Variants in TNC observed in about 807,000 individuals in gnomAD.
TNC encodes tenascin.
Under a neutral mutation model 202.4 loss-of-function variants are expected in TNC, and 109 were observed. That is an observed-to-expected ratio of 0.54 (90% CI 0.46 to 0.63). The LOEUF is 0.63. Among genes scored for constraint, TNC ranks in the 30% least tolerant of loss-of-function variants. The pLI, the probability that TNC is intolerant of heterozygous loss-of-function variation, is 0.00. For synonymous variants in TNC, 1,007 were observed against 1,089.7 expected, an observed-to-expected ratio of 0.92 and a Z score of 1.50; for missense variants, 2,756 against 2,833.3, an observed-to-expected ratio of 0.97 and a Z score of 0.62.
At position 115,087,527 on chromosome 9, in the gene TNC, GGTGT is replaced by G. The variant is rs57327715; in HGVS notation, c.458-258_458-255del. ...AAAACAGTGTGTGATTATGCATAGG[GGTGT>G]GTGTGTGTGTGTGTGTGTGTGTGTG... On this transcript the variant is annotated intron_variant, in intron 2 of 27. Transcript: ENST00000350763. Among the ~76,000 whole-genome samples the G allele has an allele frequency of 0.11, 16,806 of 148,552 alleles. 1,249 individuals are homozygous for G. Among genetic ancestry groups the G allele is most frequent in the Non-Finnish European group, 0.17 (11,322 of 67,168 alleles).
At chr9:115,026,791 A>G in intron 25 of TNC, 96 bp from the exon 26 acceptor site, 1 of 1,109,562 alleles carries the variant, frequency 9.0e-7, no homozygotes. Context: ...TACACTTAAG[A>G]CAGGGCCAAC....
At chr9:115,106,439 C>T (rs1836619497) in intron 1 of TNC, among the ~76,000 whole-genome samples, 1 of 152,102 alleles carries the variant, frequency 6.6e-6, no homozygotes, top group South Asian at 2.1e-4. Flanking sequence ...AACACAATAT[C>T]ATTAATATGA....
At chr9:115,055,944 C>T (rs1471328695) in intron 15 of TNC, among the ~76,000 whole-genome samples, 2 of 152,104 alleles carry the variant, frequency 1.3e-5, no homozygotes, top group African/African-American at 4.8e-5. Flanking sequence ...ATTTTCTCCT[C>T]TAAGTTTTTT....
rs540345966 is a variant in TNC, at chr9:115,111,821, T to A, written c.-137+6161A>T. Among the ~76,000 whole-genome samples, 20 of 152,134 alleles carry A rather than the reference T, an allele frequency of 1.3e-4. No homozygotes were observed. The East Asian group carries it at 3.3e-3, about 25-fold the overall frequency. ...AACAGCTTTGAAGGAACTGAGGCCC[T>A]CAGTTCAATATCTCTCAAGAAATGG... On this transcript the variant is annotated intron_variant, in intron 1 of 27. Transcript: ENST00000350763.
At chr9:115,105,660 T>C (rs1836559507) in intron 1 of TNC, among the ~76,000 whole-genome samples, 2 of 152,180 alleles carry the variant, frequency 1.3e-5, no homozygotes, top group African/African-American at 4.8e-5. Flanking sequence ...AATAGAGATA[T>C]GTCTAACCCC....
Position 115,076,780 on chromosome 9 carries a change from G to A in TNC, c.2675-205C>T, listed in dbSNP as rs150263742. Among the ~76,000 whole-genome samples, 466 of 152,316 alleles carry A rather than the reference G, an allele frequency of 3.1e-3. 2 individuals carry two copies. Among genetic ancestry groups the A allele is most frequent in the African/African-American group, 0.011 (446 of 41,572 alleles). ...ACCTTTCCCTATTATGGATGAGTGC[G>A]ACACTTTAGTCATTTGTGTTTTTCT... On this transcript the variant is annotated intron_variant, in intron 7 of 27. Coordinates refer to ENST00000350763, the MANE Select transcript of TNC (RefSeq NM_002160.4).
At chr9:115,050,578 T>G (rs1303052336) in intron 15 of TNC, among the ~76,000 whole-genome samples, 2 of 152,230 alleles carry the variant, frequency 1.3e-5, no homozygotes, top group Non-Finnish European at 2.9e-5. Flanking sequence ...TTTTTTAATC[T>G]TACATTAAAA....
At chr9:115,107,566 A>G (rs1366708476) in intron 1 of TNC, among the ~76,000 whole-genome samples, 2 of 152,156 alleles carry the variant, frequency 1.3e-5, no homozygotes, top group East Asian at 3.8e-4. Flanking sequence ...TGTCATGACA[A>G]CCTGGTGAGT....
rs142174537 is a variant in TNC, at chr9:115,083,082, T to A, written c.2132-275A>T. Among the ~76,000 whole-genome samples the A allele has an allele frequency of 1.1e-3, 172 of 152,320 alleles. 2 individuals are homozygous for A. The highest frequency in any genetic ancestry group is 4.0e-3 in the African/African-American group (165 of 41,568). ...GAATCAGACAGACTTGGGGTTAGAA[T>A]CTAAGCTCTACTATCAATGTGAACT... is the stretch of plus-strand genomic sequence containing the variant. On this transcript the variant is annotated intron_variant, in intron 4 of 27. Transcript: ENST00000350763.
chr9:115,044,042 A>G (rs964714492), intron 17 of TNC, among the ~76,000 whole-genome samples: 5 of 152,138 alleles, frequency 3.3e-5, no homozygotes, highest in Non-Finnish European at 7.4e-5. Flanking sequence ...CTCCAAGGAC[A>G]CTGTCCCATG....
intron 2 of TNC, among the ~76,000 whole-genome samples, chr9:115,090,058 G>A (rs1835101142): frequency 6.6e-6 from 1 of 152,182 alleles, no homozygotes; most frequent in African/African-American, 2.4e-5. Flanking sequence ...ATCACAGGCA[G>A]CACTGTGCAT....
At chr9:115,078,364 T>C (rs1834042845) in intron 6 of TNC, 152 bp from the exon 7 acceptor site, 2 of 831,246 alleles carry the variant, frequency 2.4e-6, no homozygotes, top group Non-Finnish European at 3.5e-6. Context: ...TAGTTTTTGG[T>C]TTGATAAGCT....
At chr9:115,071,744 G>T (rs1833483292) in intron 10 of TNC, among the ~76,000 whole-genome samples, 2 of 152,112 alleles carry the variant, frequency 1.3e-5, no homozygotes, top group South Asian at 4.2e-4. Flanking sequence ...GAAGAGGGAA[G>T]AAAGAGAGAG....
rs772861856 is a variant in TNC, at chr9:115,059,804, G to A, written c.4232C>T (p.Thr1411Met). The change falls in exon 14 of 28, where the codon ACG (threonine) becomes ATG (methionine). Residue 1411 changes from threonine (T) to methionine (M), a missense_variant. Thr to Met is a moderately conservative substitution (Grantham distance 81, BLOSUM62 -1). This residue lies in a region of TNC where 2,559 missense variants were observed against 2,546.0 expected (regional missense o/e 1.01). Coordinates refer to ENST00000350763, the MANE Select transcript of TNC (RefSeq NM_002160.4). ...AVDIPGLEAA[T>M]PYRVSIYGVI... The stretch of plus-strand genomic sequence containing the variant: ...CCCATAGATGGAGACTCTATAAGGC[G>A]TGGCAGCCTCGAGGCCCGGGATGTC... 7 of 1,613,972 alleles carry A rather than the reference G, an allele frequency of 4.3e-6. No homozygotes were observed. In the East Asian group the frequency reaches 6.7e-5, roughly 15 times the overall value.
At position 115,052,089 on chromosome 9, in the gene TNC, TA is replaced by T. The variant is rs1831724258; in HGVS notation, c.4580-3558del. On this transcript the variant is annotated intron_variant, in intron 15 of 27. Coordinates refer to ENST00000350763, the MANE Select transcript of TNC (RefSeq NM_002160.4). ...ATGTGTGTATATATACATATATATA[TA>T]TATACACATATATATATAATGGAAT... is the stretch of plus-strand genomic sequence containing the variant. 2.0e-5 allele frequency among the ~76,000 whole-genome samples: 3 copies of T among 149,958 alleles called. No homozygotes were observed. In the South Asian group the frequency reaches 6.3e-4, roughly 31 times the overall value.
At position 115,064,641 on chromosome 9, in the gene TNC, A is replaced by T. The variant is rs762791234; in HGVS notation, c.3487+6T>A. ...CAGAAGCTATAAATAGAAAGGAAAG[A>T]GATACCTGTGGAGGCCTCAGCAGAG... is the stretch of plus-strand genomic sequence containing the variant. On this transcript the variant is annotated splice_donor_region_variant and intron_variant, in intron 11 of 27. Coordinates refer to ENST00000350763, the MANE Select transcript of TNC (RefSeq NM_002160.4). The T allele has an allele frequency of 1.3e-6, 2 of 1,590,138 alleles. No homozygotes were observed. Among genetic ancestry groups the T allele is most frequent in the East Asian group, 2.3e-5 (1 of 44,420 alleles).
At chr9:115,081,725 G>A (rs766768345) in intron 6 of TNC, 47 bp downstream of exon 6, 4 of 1,606,326 alleles carry the variant, frequency 2.5e-6, no homozygotes, top group Non-Finnish European at 3.4e-6. Flanking sequence ...GGTGCTATGA[G>A]GTACAATCAG....
At position 115,086,887 on chromosome 9, in the gene TNC, G is replaced by T; in HGVS notation, c.844C>A (p.Pro282Thr). 1 of 1,614,172 alleles carries T rather than the reference G, an allele frequency of 6.2e-7. No homozygotes were observed. Among genetic ancestry groups the T allele is most frequent in the Non-Finnish European group, 8.5e-7 (1 of 1,180,046 alleles). ...DGFAGDDCNKPLCLNNCYNRG... is the reference protein window; with the variant it reads ...DGFAGDDCNKTLCLNNCYNRG... ...TTGTAGCAATTGTTGAGACACAGAG[G>T]CTTGTTGCAGTCATCGCCTGCAAAG... is the stretch of plus-strand genomic sequence containing the variant. The change falls in exon 3 of 28, where the codon CCT (proline) becomes ACT (threonine). Residue 282 changes from proline to threonine, a missense_variant. Physicochemically the swap from Pro to Thr is conservative, Grantham distance 38 (BLOSUM62 -1). Coordinates refer to ENST00000350763, the MANE Select transcript of TNC (RefSeq NM_002160.4).
At chr9:115,048,721 A>G (rs1044788672) in intron 15 of TNC, among the ~76,000 whole-genome samples, 189 bp from the exon 16 acceptor site, 1 of 152,234 alleles carries the variant, frequency 6.6e-6, no homozygotes, top group Non-Finnish European at 1.5e-5. Flanking sequence ...TTCTCTTAAT[A>G]GCCCATGAGG....
Sources: gnomAD v4.1 joint callset for allele counts (sites outside exome capture counted in the v4.1 genomes callset) on GRCh38, gnomAD v4.1.1 for gene constraint, gnomAD v4.1.1 regional missense constraint, MANE v1.5 for transcripts, NCBI Gene and HGNC (gene_info 2026-07-23, HGNC 2026-07-21) for gene names.